GOLGA4: variants seen among roughly 807,000 people sequenced by gnomAD.
GOLGA4 encodes the protein golgin subfamily A member 4.
Under a neutral mutation model 265.9 loss-of-function variants are expected in GOLGA4, and 169 were observed. The observed-to-expected ratio is 0.64, with a 90% confidence interval of 0.56 to 0.72. The LOEUF is 0.72. Ranked by LOEUF, GOLGA4 falls within the 30% of genes least tolerant of loss-of-function variation. GOLGA4 has a pLI of 0.00. For synonymous variants in GOLGA4, 923 were observed against 855.8 expected (o/e 1.08, Z -1.37); for missense variants, 2,482 against 2,483.4 (o/e 1.00, Z 0.01).
chr3:37,326,281 C>A lies in GOLGA4; in HGVS notation c.4395C>A (p.Ile1465=), dbSNP rs753316129. The stretch of plus-strand genomic sequence containing the variant: ...AAAACACTGTTAAAGAATTGCAGAT[C>A]CAGCTTGAGTTAAAATCAAAGGAAG... ...QHQNTVKELQ[I]QLELKSKEAY... The change falls in exon 14 of 24, where the codon ATC becomes ATA. Residue 1465 remains isoleucine (I), a synonymous_variant. Transcript: ENST00000361924. The A allele has an allele frequency of 6.2e-7, 1 of 1,612,548 alleles. No individual in the cohort carries two copies. The highest frequency in any genetic ancestry group is 1.1e-5 in the South Asian group (1 of 90,742).
rs572690342 is a variant in GOLGA4, at chr3:37,317,265, G to T, written c.1413+1667G>T. The stretch of plus-strand genomic sequence containing the variant: ...GTTCACTGCATCCTCCGCCCCCCAC[G>T]TTCAAGCAATTCTCCTGCCTCAGCC... On this transcript the variant is annotated intron_variant, in intron 11 of 23. Coordinates refer to ENST00000361924, the MANE Select transcript of GOLGA4 (RefSeq NM_002078.5). 9.9e-5 allele frequency among the ~76,000 whole-genome samples: 15 copies of T among 152,216 alleles called. No individual in the cohort carries two copies. In the East Asian group the frequency reaches 2.5e-3, roughly 25 times the overall value.
intron 2 of GOLGA4, among the ~76,000 whole-genome samples, chr3:37,253,241 T>C: frequency 6.6e-6 from 1 of 150,430 alleles, no homozygotes; most frequent in Admixed American, 6.6e-5. Flanking sequence ...AGTAAGACCC[T>C]GTCTTTCAAA....
chr3:37,304,284 G>A (rs2096900630), intron 10 of GOLGA4, among the ~76,000 whole-genome samples: 1 of 152,122 alleles, frequency 6.6e-6, no homozygotes, highest in African/African-American at 2.4e-5. Context: ...GGAGGGGACT[G>A]GGTCTCTAGA....
At chr3:37,268,061 G>T (rs2096788268) in intron 2 of GOLGA4, among the ~76,000 whole-genome samples, 1 of 151,976 alleles carries the variant, frequency 6.6e-6, no homozygotes, top group South Asian at 2.1e-4. Context: ...CAATTAGAGA[G>T]ACTTGTTTAC....
intron 20 of GOLGA4, 112 bp from the exon 21 acceptor site, chr3:37,347,081 A>G (rs2097058828): frequency 3.4e-6 from 2 of 593,758 alleles, no homozygotes; most frequent in Admixed American, 6.0e-5. Flanking sequence ...GATACAATAT[A>G]AAAGCATGCC....
chr3:37,309,122 C>T (rs1423281227), intron 10 of GOLGA4, among the ~76,000 whole-genome samples: 2 of 151,420 alleles, frequency 1.3e-5, no homozygotes, highest in Admixed American at 1.3e-4. Context: ...TATGGTGGCG[C>T]GTGCTTGTAG....
intron 16 of GOLGA4, among the ~76,000 whole-genome samples, chr3:37,333,205 C>A (rs1365301033): frequency 6.6e-6 from 1 of 152,176 alleles, no homozygotes; most frequent in Non-Finnish European, 1.5e-5. Flanking sequence ...GTCTCACTTG[C>A]AGAGTAGCTC....
At position 37,327,309 on chromosome 3, in the gene GOLGA4, A is replaced by G; in HGVS notation, c.5423A>G (p.Tyr1808Cys). 1 of 1,613,886 alleles carries G rather than the reference A, an allele frequency of 6.2e-7. No homozygotes were observed. Reference protein sequence around the residue: ...QEELEEKNKKYSLIVAQHVEK... With the variant: ...QEELEEKNKKCSLIVAQHVEK... ...GAGCTTGAAGAAAAAAACAAGAAATATTCCTTGATAGTAGCCCAGCATGTG... is the reference window on the plus strand; with the variant it reads ...GAGCTTGAAGAAAAAAACAAGAAATGTTCCTTGATAGTAGCCCAGCATGTG... The change falls in exon 14 of 24, where the codon TAT becomes TGT. Residue 1808 changes from tyrosine (Y) to cysteine (C), a missense_variant. By Grantham distance (194) the Tyr-to-Cys change is radical (BLOSUM62 -2). Coordinates refer to ENST00000361924, the MANE Select transcript of GOLGA4 (RefSeq NM_002078.5).
At chr3:37,294,241 C>T (rs1355060913) in intron 5 of GOLGA4, among the ~76,000 whole-genome samples, 1 of 152,004 alleles carries the variant, frequency 6.6e-6, no homozygotes, top group Non-Finnish European at 1.5e-5. Context: ...CGTTTGGTTT[C>T]GACTATCAGA....
rs140256706 is a variant in GOLGA4 at position 37,278,435 on chromosome 3, T to C, written c.163-3523T>C. ...CCAGTCTGGTCTTGAACTCCTGACC[T>C]CAGGTGATCCACCCGCCTTGGCCTC... On this transcript the variant is annotated intron_variant, in intron 2 of 23. Coordinates refer to ENST00000361924, the MANE Select transcript of GOLGA4 (RefSeq NM_002078.5). Among the ~76,000 whole-genome samples, 213 of 152,280 alleles carry C rather than the reference T, an allele frequency of 1.4e-3. 1 individual carries two copies. Among genetic ancestry groups the C allele is most frequent in the Middle Eastern group, 6.8e-3 (2 of 294 alleles).
chr3:37,286,491 C>G (rs949840947), intron 4 of GOLGA4, among the ~76,000 whole-genome samples: 1 of 152,160 alleles, frequency 6.6e-6, no homozygotes, highest in African/African-American at 2.4e-5. Context: ...TTAAATAATT[C>G]TGCATATGAA....
intron 20 of GOLGA4, among the ~76,000 whole-genome samples, chr3:37,342,013 A>G (rs1168393071): frequency 6.6e-6 from 1 of 152,134 alleles, no homozygotes; most frequent in African/African-American, 2.4e-5. Flanking sequence ...GTGGTGCAGT[A>G]TGTACATTAA....
At chr3:37,345,683 G>T (rs2097053907) in intron 20 of GOLGA4, among the ~76,000 whole-genome samples, 1 of 152,008 alleles carries the variant, frequency 6.6e-6, no homozygotes. Flanking sequence ...TCTGTCTCCT[G>T]GAAAATAGCT....
intron 5 of GOLGA4, among the ~76,000 whole-genome samples, chr3:37,291,215 A>G (rs774111529): frequency 5.9e-5 from 9 of 152,172 alleles, no homozygotes; most frequent in Non-Finnish European, 1.2e-4. Context: ...TGCATTGAAT[A>G]AAGACACAGG....
chr3:37,245,911 T>C (rs1272544221), intron 1 of GOLGA4, among the ~76,000 whole-genome samples: 1 of 152,200 alleles, frequency 6.6e-6, no homozygotes, highest in Non-Finnish European at 1.5e-5. Context: ...TCTTTCTGCC[T>C]GCCATATATT....
intron 2 of GOLGA4, among the ~76,000 whole-genome samples, chr3:37,271,235 T>C (rs1331773682): frequency 6.6e-6 from 1 of 152,042 alleles, no homozygotes; most frequent in African/African-American, 2.4e-5. Flanking sequence ...GCCCAGAGAT[T>C]TGTGACCCTT....
chr3:37,318,574 T>C (rs1175886170), intron 11 of GOLGA4, among the ~76,000 whole-genome samples: 1 of 152,100 alleles, frequency 6.6e-6, no homozygotes, highest in Non-Finnish European at 1.5e-5. Flanking sequence ...TTTTTTAATA[T>C]ATATTAACTT....
chr3:37,303,375 G>A (rs952044263), intron 10 of GOLGA4, among the ~76,000 whole-genome samples: 1 of 152,202 alleles, frequency 6.6e-6, no homozygotes, highest in African/African-American at 2.4e-5. Flanking sequence ...GGAAGGAGAA[G>A]AAAGGTAGAA....
intron 14 of GOLGA4, among the ~76,000 whole-genome samples, chr3:37,328,043 C>A (rs1180912206): frequency 6.6e-6 from 1 of 151,814 alleles, no homozygotes; most frequent in East Asian, 1.9e-4. Flanking sequence ...AAAACCTTTT[C>A]TTGCATATAA....
Sources: gnomAD v4.1 joint callset for allele counts (sites outside exome capture counted in the v4.1 genomes callset) on GRCh38, gnomAD v4.1.1 for gene constraint, MANE v1.5 for transcripts, NCBI Gene and HGNC (gene_info 2026-07-23, HGNC 2026-07-21) for gene names.